FGD3: variants seen among roughly 807,000 people sequenced by gnomAD.
The protein encoded by FGD3 is FYVE, RhoGEF and PH domain-containing protein 3.
FGD3 carries 45 observed loss-of-function variants against 71.8 expected under a neutral mutation model. The observed-to-expected ratio is 0.63, with a 90% CI of 0.49 to 0.80. The LOEUF (loss-of-function observed/expected upper bound fraction) is 0.80. Ranked by LOEUF, FGD3 falls within the 30% of genes least tolerant of loss-of-function variation. The pLI is 0.00. For missense variants in FGD3, 844 were observed against 951.5 expected, an observed-to-expected ratio of 0.89 and a Z score of 1.49; for synonymous variants, 378 against 392.8, an observed-to-expected ratio of 0.96 and a Z score of 0.44.
At chr9:92,990,181 T>C (rs1274842605) in intron 3 of FGD3, among the ~76,000 whole-genome samples, 1 of 152,114 alleles carries the variant, frequency 6.6e-6, no homozygotes, top group Admixed American at 6.6e-5. Context: ...CTCACACCTG[T>C]AATCCCAGAA....
At chr9:93,026,843 C>G (rs754960851) in intron 14 of FGD3, among the ~76,000 whole-genome samples, 16 of 152,268 alleles carry the variant, frequency 1.1e-4, no homozygotes, top group Non-Finnish European at 2.2e-4. Context: ...AGTGCTGCCC[C>G]TGGGTGCCGT....
At chr9:93,027,823 G>A (rs755192816) in intron 14 of FGD3, among the ~76,000 whole-genome samples, 11 of 145,904 alleles carry the variant, frequency 7.5e-5, no homozygotes, top group African/African-American at 2.3e-4. Context: ...AGGCTCAAGC[G>A]ATCCTCCTAC....
intron 3 of FGD3, among the ~76,000 whole-genome samples, chr9:92,996,159 G>A (rs1223711981): frequency 1.3e-5 from 2 of 152,116 alleles, no homozygotes; most frequent in Non-Finnish European, 2.9e-5. Context: ...TTCAGAACCT[G>A]TTATTGGTCT....
chr9:93,007,890 C>G (rs549908907), intron 6 of FGD3, among the ~76,000 whole-genome samples: 1 of 152,252 alleles, frequency 6.6e-6, no homozygotes, highest in African/African-American at 2.4e-5. Context: ...TTGCAGCAGA[C>G]AGCATGGCCC....
chr9:92,978,425 C>T (rs1366438633), intron 3 of FGD3, among the ~76,000 whole-genome samples: 1 of 140,142 alleles, frequency 7.1e-6, no homozygotes, highest in Admixed American at 7.1e-5. Context: ...CCCCCCACCC[C>T]ACCCCCATTC....
Position 92,994,200 on chromosome 9 carries a change from AT to A in FGD3, c.454-8722del, listed in dbSNP as rs1401045741. Among the ~76,000 whole-genome samples, 7 of 151,784 alleles carry A rather than the reference AT, an allele frequency of 4.6e-5. No individual in the cohort carries two copies. The East Asian group carries it at 1.3e-3, about 29-fold the overall frequency. ...GTATCTCACGGTGGTTTTGATTTGC[AT>A]TTCTCTGATGGCCAGTGATGATGAG... On this transcript the variant is annotated intron_variant, in intron 3 of 17. Transcript: ENST00000375482.
intron 8 of FGD3, among the ~76,000 whole-genome samples, chr9:93,013,178 C>T (rs1861507960): frequency 6.6e-6 from 1 of 152,224 alleles, no homozygotes; most frequent in Non-Finnish European, 1.5e-5. Context: ...ACCCTGTGCC[C>T]ACTTGCACCT....
chr9:92,951,548 C>A (rs921604714), intron 1 of FGD3, among the ~76,000 whole-genome samples: 1 of 152,182 alleles, frequency 6.6e-6, no homozygotes, highest in Admixed American at 6.5e-5. Flanking sequence ...TGGTGGCATG[C>A]GCCTGTAGTC....
intron 11 of FGD3, among the ~76,000 whole-genome samples, chr9:93,018,891 G>A (rs1861806000): frequency 6.6e-6 from 1 of 152,056 alleles, no homozygotes; most frequent in South Asian, 2.1e-4. Flanking sequence ...TCGCTCCCAG[G>A]CTGGAGTGCA....
At chr9:92,987,554 C>T (rs1489314014) in intron 3 of FGD3, among the ~76,000 whole-genome samples, 1 of 152,174 alleles carries the variant, frequency 6.6e-6, no homozygotes, top group Non-Finnish European at 1.5e-5. Flanking sequence ...CCATGGGTGC[C>T]TCAGTTCTAC....
At chr9:92,958,421 C>T (rs1355943458) in intron 1 of FGD3, among the ~76,000 whole-genome samples, 1 of 152,220 alleles carries the variant, frequency 6.6e-6, no homozygotes, top group African/African-American at 2.4e-5. Context: ...TCAACATCCT[C>T]CCCAGAGGAG....
intron 3 of FGD3, among the ~76,000 whole-genome samples, chr9:92,995,298 T>C (rs931182016): frequency 2.0e-5 from 3 of 152,324 alleles, no homozygotes; most frequent in African/African-American, 7.2e-5. Flanking sequence ...TGTAAAGGAA[T>C]GCTTGTGATT....
intron 3 of FGD3, among the ~76,000 whole-genome samples, chr9:92,984,242 T>C (rs1055090513): frequency 1.3e-5 from 2 of 152,262 alleles, no homozygotes; most frequent in Non-Finnish European, 2.9e-5. Flanking sequence ...CTTTCTGACT[T>C]GACCTAAACA....
At chr9:93,000,434 A>G (rs906053581) in intron 3 of FGD3, among the ~76,000 whole-genome samples, 1 of 152,212 alleles carries the variant, frequency 6.6e-6, no homozygotes, top group Non-Finnish European at 1.5e-5. Flanking sequence ...TTGTTTTAAC[A>G]TAAAGTACTC....
At chr9:93,020,187 G>A in intron 12 of FGD3, 130 bp from the exon 13 acceptor site, 1 of 792,654 alleles carries the variant, frequency 1.3e-6, no homozygotes, top group South Asian at 1.8e-5. Flanking sequence ...GAAGGGAGAT[G>A]GCCAGTGGCC....
intron 1 of FGD3, among the ~76,000 whole-genome samples, chr9:92,973,670 G>T (rs1859618528): frequency 6.6e-6 from 1 of 152,158 alleles, no homozygotes. Flanking sequence ...GTGACCTGTG[G>T]GGCTTTTAGG....
intron 7 of FGD3, 70 bp downstream of exon 7, chr9:93,010,454 A>T (rs1259806795): frequency 2.1e-6 from 3 of 1,459,990 alleles, no homozygotes; most frequent in Non-Finnish European, 1.8e-6. Flanking sequence ...GTGGGGAGAG[A>T]GGGAGAGAGA....
intron 3 of FGD3, among the ~76,000 whole-genome samples, chr9:92,995,299 G>C (rs1284177434): frequency 6.6e-6 from 1 of 152,176 alleles, no homozygotes; most frequent in Non-Finnish European, 1.5e-5. Flanking sequence ...GTAAAGGAAT[G>C]CTTGTGATTT....
intron 6 of FGD3, among the ~76,000 whole-genome samples, chr9:93,009,132 G>A (rs946632228): frequency 6.6e-6 from 1 of 151,894 alleles, no homozygotes; most frequent in African/African-American, 2.4e-5. Context: ...GTGTGGTGGT[G>A]TGCACCTGTA....
Sources: gnomAD v4.1 joint callset for allele counts (sites outside exome capture counted in the v4.1 genomes callset) on GRCh38, gnomAD v4.1.1 for gene constraint, MANE v1.5 for transcripts, NCBI Gene and HGNC (gene_info 2026-07-23, HGNC 2026-07-21) for gene names.